Variants in CDH23 observed in about 807,000 individuals in gnomAD.
CDH23 encodes cadherin-23.
Under a neutral mutation model 317.1 loss-of-function variants are expected in CDH23, and 189 were observed. The ratio of observed to expected loss-of-function variants is 0.60; its 90% CI spans 0.53 to 0.67. CDH23 has a LOEUF of 0.67. Among genes scored for constraint, CDH23 ranks in the 30% least tolerant of loss-of-function variants. The pLI is 0.00. For synonymous variants in CDH23, 1,839 were observed against 1,876.8 expected, an observed-to-expected ratio of 0.98 and a Z score of 0.52; for missense variants, 4,401 against 4,592.4, an observed-to-expected ratio of 0.96 and a Z score of 1.20.
At chr10:71,534,033 G>A (rs975102621) in intron 6 of CDH23, among the ~76,000 whole-genome samples, 3 of 152,052 alleles carry the variant, frequency 2.0e-5, no homozygotes, top group Non-Finnish European at 4.4e-5. Context: ...ATGATAAACA[G>A]CCCAGTGTTT....
intron 11 of CDH23, among the ~76,000 whole-genome samples, chr10:71,619,098 G>A (rs2132524459): frequency 6.6e-6 from 1 of 152,264 alleles, no homozygotes; most frequent in South Asian, 2.1e-4. Flanking sequence ...ACTTTGGGAG[G>A]CCGAGGCAGG....
chr10:71,530,957 C>T (rs1050072283), intron 6 of CDH23, among the ~76,000 whole-genome samples: 1 of 152,222 alleles, frequency 6.6e-6, no homozygotes, highest in Non-Finnish European at 1.5e-5. Context: ...ATGCATGATA[C>T]ATAGAGAGCC....
chr10:71,529,493 C>T (rs990111629), intron 6 of CDH23, among the ~76,000 whole-genome samples: 13 of 152,172 alleles, frequency 8.5e-5, no homozygotes, highest in African/African-American at 2.2e-4. Context: ...ATGCTTTTCT[C>T]GGCACAGAGG....
intron 69 of CDH23, 66 bp from the exon 70 acceptor site, chr10:71,814,886 G>A (rs1247337323): frequency 2.7e-6 from 4 of 1,500,588 alleles, no homozygotes; most frequent in Non-Finnish European, 2.7e-6. Context: ...GTGGGTCTCT[G>A]GGGCCATCCA....
chr10:71,496,390 T>C (rs114032523), intron 3 of CDH23, among the ~76,000 whole-genome samples: 2,599 of 151,908 alleles, frequency 0.017, 60 homozygotes, highest in African/African-American at 0.054. Context: ...GTGCCTGGGG[T>C]GCCCCCATTG....
intron 6 of CDH23, among the ~76,000 whole-genome samples, chr10:71,563,731 T>G (rs2132348850): frequency 6.6e-6 from 1 of 151,522 alleles, no homozygotes; most frequent in South Asian, 2.1e-4. Flanking sequence ...TTATAATACT[T>G]TTTTTTTCTT....
rs201884566 is a variant in CDH23, at chr10:71,615,580, C to T, written c.909C>T (p.Asn303=). 1.4e-5 allele frequency: 22 copies of T among 1,613,954 alleles called. No individual in the cohort carries two copies. The East Asian group carries it at 1.8e-4, about 13-fold the overall frequency. The change falls in exon 10 of 70, where the codon AAC becomes AAT. Residue 303 remains asparagine (N), a synonymous_variant. Coordinates refer to ENST00000224721, the MANE Select transcript of CDH23 (RefSeq NM_022124.6). Reference sequence around the variant, plus strand: ...TGAATGGCCTGCTGGACCGGGAGAACCCCCTGTACAGCCATGGCTTCATCC... The same window carrying T: ...TGAATGGCCTGCTGGACCGGGAGAATCCCCTGTACAGCCATGGCTTCATCC... ...LTLNGLLDRE[N]PLYSHGFILT...
intron 3 of CDH23, among the ~76,000 whole-genome samples, chr10:71,493,640 T>G (rs1389842240): frequency 6.6e-6 from 1 of 152,206 alleles, no homozygotes; most frequent in Non-Finnish European, 1.5e-5. Context: ...TTTACCACCT[T>G]GTGGAGCTTC....
chr10:71,663,444 T>C (rs928807958), intron 14 of CDH23, among the ~76,000 whole-genome samples: 1 of 152,262 alleles, frequency 6.6e-6, no homozygotes, highest in African/African-American at 2.4e-5. Context: ...AGCTCTGCTC[T>C]GCCTCCTCCA....
At chr10:71,447,567 C>G (rs1366446228) in intron 3 of CDH23, among the ~76,000 whole-genome samples, 1 of 152,038 alleles carries the variant, frequency 6.6e-6, no homozygotes, top group Admixed American at 6.5e-5. Context: ...TGTGGGGGGC[C>G]CTCTGTGGAA....
chr10:71,602,406 CA>C (rs1391568319), intron 9 of CDH23, among the ~76,000 whole-genome samples: 1 of 152,114 alleles, frequency 6.6e-6, no homozygotes, highest in African/African-American at 2.4e-5. Flanking sequence ...AACTGAGGCT[CA>C]AAGGCAAAGT....
chr10:71,808,484 A>G lies in CDH23; in HGVS notation c.8722+477A>G, dbSNP rs996158855. Among the ~76,000 whole-genome samples, 5 of 151,964 alleles carry G rather than the reference A, an allele frequency of 3.3e-5. No individual in the cohort carries two copies. In the East Asian group the frequency reaches 9.6e-4, roughly 29 times the overall value. On this transcript the variant is annotated intron_variant, in intron 60 of 69. Coordinates refer to ENST00000224721, the MANE Select transcript of CDH23 (RefSeq NM_022124.6). ...TCAGTTGCGCACATCGCCTTCCCCT[A>G]TGTCAGGCATTGTGTTAGGACTGGG...
chr10:71,439,839 G>A lies in CDH23; in HGVS notation c.8G>A (p.Arg3His), dbSNP rs397517363. The A allele has an allele frequency of 2.9e-5, 45 of 1,566,166 alleles. No individual in the cohort carries two copies. The highest frequency in any genetic ancestry group is 1.7e-4 in the Middle Eastern group (1 of 6,006). ...TTTGTGTCCCCAGGAGCCATGGGGC[G>A]CCATGTTGCCACCAGCTGCCACGTG... MG[R>H]HVATSCHVAW... Residue 3 changes from arginine (R) to histidine (H), a missense_variant, in exon 2 of 70, where the codon CGC becomes CAC. Physicochemically the swap from Arg to His is conservative, Grantham distance 29 (BLOSUM62 0). Transcript: ENST00000224721.
intron 14 of CDH23, among the ~76,000 whole-genome samples, chr10:71,657,688 C>T (rs1318726350): frequency 1.3e-5 from 2 of 152,158 alleles, no homozygotes; most frequent in Non-Finnish European, 2.9e-5. Context: ...GCTCTTCCAG[C>T]GCATTCCCCA....
chr10:71,498,652 C>T (rs1853105848), intron 3 of CDH23, among the ~76,000 whole-genome samples: 1 of 152,224 alleles, frequency 6.6e-6, no homozygotes, highest in Admixed American at 6.5e-5. Context: ...GGTCACTGAG[C>T]AATCCCAGCT....
At chr10:71,752,905 T>G (rs1840041443) in intron 38 of CDH23, 5 of 1,563,286 alleles carry the variant, frequency 3.2e-6, no homozygotes. Context: ...GGGCCCCTAC[T>G]GCACAGAAGT....
At chr10:71,552,992 G>A (rs1194347820) in intron 6 of CDH23, among the ~76,000 whole-genome samples, 1 of 152,166 alleles carries the variant, frequency 6.6e-6, no homozygotes, top group African/African-American at 2.4e-5. Context: ...CCCACTCCCA[G>A]CTTCAGCTTT....
chr10:71,705,244 G>C, intron 25 of CDH23, 114 bp downstream of exon 25: 1 of 993,352 alleles, frequency 1.0e-6, no homozygotes, highest in Non-Finnish European at 1.5e-6. Flanking sequence ...GGACTTGTAG[G>C]CACAGGCTCC....
At position 71,800,767 on chromosome 10, in the gene CDH23, C is replaced by A. The variant is rs370000472; in HGVS notation, c.7482+12C>A. The A allele has an allele frequency of 3.7e-6, 6 of 1,612,936 alleles. No homozygotes were observed. Among genetic ancestry groups the A allele is most frequent in the African/African-American group, 1.3e-5 (1 of 74,976 alleles). On this transcript the variant is annotated intron_variant, in intron 53 of 69. Transcript: ENST00000224721. The stretch of plus-strand genomic sequence containing the variant: ...AAAATTCAGTGCAGGTGAGGGGTGC[C>A]AACCTGGGCCAGGGATGACAGGGAC...
Sources: gnomAD v4.1 joint callset for allele counts (sites outside exome capture counted in the v4.1 genomes callset) on GRCh38, gnomAD v4.1.1 for gene constraint, MANE v1.5 for transcripts, NCBI Gene and HGNC (gene_info 2026-07-23, HGNC 2026-07-21) for gene names.